ASIC2: variants seen among roughly 807,000 people sequenced by gnomAD.
ASIC2 encodes the protein acid sensing ion channel subunit 2, also known as acid-sensing ion channel 2.
In ASIC2, 25 loss-of-function variants were observed where a neutral mutation model predicts 57.3. The observed-to-expected ratio is 0.44, with a 90% CI of 0.32 to 0.61. The LOEUF (loss-of-function observed/expected upper bound fraction) is 0.61. Among genes scored for constraint, ASIC2 ranks in the 20% least tolerant of loss-of-function variants. The pLI is 0.06. For missense variants in ASIC2, 641 were observed against 738.1 expected (o/e 0.87, Z 1.52); for synonymous variants, 319 against 307.5 (o/e 1.04, Z -0.39).
chr17:33,978,536 T>C (rs953153364), intron 1 of ASIC2, among the ~76,000 whole-genome samples: 6 of 152,372 alleles, frequency 3.9e-5, no homozygotes, highest in African/African-American at 1.4e-4. Context: ...GAACTGTGCC[T>C]GCCCGCATAG....
intron 1 of ASIC2, among the ~76,000 whole-genome samples, chr17:33,807,244 A>G (rs1403634458): frequency 2.6e-5 from 4 of 152,184 alleles, no homozygotes; most frequent in African/African-American, 9.7e-5. Flanking sequence ...TGTGCTCTTC[A>G]AGGAGGTTCT....
chr17:33,835,547 T>G (rs537360643), intron 1 of ASIC2, among the ~76,000 whole-genome samples: 127 of 152,324 alleles, frequency 8.3e-4, no homozygotes, highest in African/African-American at 3.0e-3. Context: ...TGACTTGTTC[T>G]CACTTCTGTT....
chr17:34,137,057 CT>C (rs1912147734), intron 1 of ASIC2, among the ~76,000 whole-genome samples: 1 of 152,202 alleles, frequency 6.6e-6, no homozygotes, highest in Admixed American at 6.5e-5. Flanking sequence ...TCCAATCCCC[CT>C]AGAAGGAATG....
At chr17:33,329,914 C>A (rs1304082654) in intron 1 of ASIC2, among the ~76,000 whole-genome samples, 1 of 152,146 alleles carries the variant, frequency 6.6e-6, no homozygotes, top group Non-Finnish European at 1.5e-5. Context: ...GAGGAACCTA[C>A]TTGGGGCAAG....
chr17:33,206,215 T>C (rs1218838316), intron 1 of ASIC2, among the ~76,000 whole-genome samples: 1 of 152,102 alleles, frequency 6.6e-6, no homozygotes. Flanking sequence ...CTTGGTATCA[T>C]ATTGCCTCAT....
At chr17:33,924,841 C>T (rs1181701049) in intron 1 of ASIC2, among the ~76,000 whole-genome samples, 1 of 152,224 alleles carries the variant, frequency 6.6e-6, no homozygotes, top group Non-Finnish European at 1.5e-5. Context: ...GGAACCCAGA[C>T]TCTGCAGAGG....
intron 1 of ASIC2, among the ~76,000 whole-genome samples, chr17:33,322,455 T>C (rs1428493590): frequency 6.6e-6 from 1 of 152,192 alleles, no homozygotes; most frequent in Non-Finnish European, 1.5e-5. Flanking sequence ...GCAGCATGCT[T>C]CTATTAAGTG....
intron 1 of ASIC2, among the ~76,000 whole-genome samples, chr17:33,147,181 G>A (rs1904597427): frequency 6.6e-6 from 1 of 152,130 alleles, no homozygotes; most frequent in African/African-American, 2.4e-5. Flanking sequence ...GTAGAAACCT[G>A]TGAAAATTTA....
chr17:33,817,342 CT>C (rs1912613790), intron 1 of ASIC2, among the ~76,000 whole-genome samples: 1 of 152,178 alleles, frequency 6.6e-6, no homozygotes, highest in African/African-American at 2.4e-5. Flanking sequence ...GGGGATCCCC[CT>C]ACTGCCTCAG....
At chr17:33,941,433 G>A (rs1916189982) in intron 1 of ASIC2, among the ~76,000 whole-genome samples, 1 of 152,200 alleles carries the variant, frequency 6.6e-6, no homozygotes, top group Admixed American at 6.5e-5. Flanking sequence ...GGGCTGAAAA[G>A]GAACCCCACC....
At chr17:33,329,411 C>A (rs1394169192) in intron 1 of ASIC2, among the ~76,000 whole-genome samples, 16 of 152,132 alleles carry the variant, frequency 1.1e-4, no homozygotes, top group Admixed American at 1.0e-3. Flanking sequence ...AGGATAGCAA[C>A]CTGCAGGGGA....
intron 1 of ASIC2, among the ~76,000 whole-genome samples, chr17:33,190,819 C>T (rs533172214): frequency 5.7e-4 from 86 of 150,612 alleles, no homozygotes; most frequent in African/African-American, 2.0e-3. Context: ...TAAAGACTGA[C>T]CATCCCAAGG....
chr17:33,878,455 C>A (rs921308518), intron 1 of ASIC2, among the ~76,000 whole-genome samples: 4 of 152,010 alleles, frequency 2.6e-5, no homozygotes, highest in African/African-American at 9.7e-5. Flanking sequence ...AACTATGTGA[C>A]AAATGCACAA....
chr17:33,552,166 G>C (rs1452415618), intron 1 of ASIC2, among the ~76,000 whole-genome samples: 1 of 152,208 alleles, frequency 6.6e-6, no homozygotes, highest in Non-Finnish European at 1.5e-5. Flanking sequence ...GCCCTGAAAG[G>C]GAAAGGGCCT....
intron 1 of ASIC2, among the ~76,000 whole-genome samples, chr17:33,871,185 C>A (rs1431340739): frequency 6.6e-6 from 1 of 152,140 alleles, no homozygotes; most frequent in African/African-American, 2.4e-5. Context: ...TTCCTGTGCC[C>A]TAGGAGGATG....
rs1392392978 is a variant in ASIC2, at chr17:33,711,878, TTTGTGTGAGAACC to T, written c.555+444087_555+444099del. The stretch of plus-strand genomic sequence containing the variant: ...ACAAAATCAAATCATATCAGTCCTC[TTTGTGTGAGAACC>T]TTCTGTAAGTTTCATCTTCAGAACC... On this transcript the variant is annotated intron_variant, in intron 1 of 9. Coordinates refer to the ASIC2 transcript ENST00000359872. 3.3e-5 allele frequency among the ~76,000 whole-genome samples: 5 copies of T among 152,282 alleles called. No individual in the cohort carries two copies. In the East Asian group the frequency reaches 9.6e-4, roughly 29 times the overall value.
At chr17:33,827,348 T>TTTTTTTTTTTTTTTTTTTTTG (rs1912957573) in intron 1 of ASIC2, among the ~76,000 whole-genome samples, 1 of 135,598 alleles carries the variant, frequency 7.4e-6, no homozygotes, top group Non-Finnish European at 1.6e-5. Flanking sequence ...TTTTTTTTTT[T>TTTTTTTTTTTTTTTTTTTTTG]TGAGACAGAG....
At chr17:33,827,337 C>CCTTTTTTTTTTTTTTTTTTTT (rs1912954044) in intron 1 of ASIC2, among the ~76,000 whole-genome samples, 1 of 76,536 alleles carries the variant, frequency 1.3e-5, no homozygotes, top group Non-Finnish European at 2.6e-5. Context: ...GCAGCTCACT[C>CCTTTTTTTTTTTTTTTTTTTT]TTTTTTTTTT....
In ASIC2 at chr17:33,364,377, C is replaced by G. The variant is rs1160131846; in HGVS notation, c.556-252310G>C. ...ATGGGTCAAAATGGGACTTACAAAC[C>G]AACTTCTGACTCCACTAATTTTTCT... On this transcript the variant is annotated intron_variant, in intron 1 of 9. Transcript: ENST00000359872. Among the ~76,000 whole-genome samples the G allele has an allele frequency of 6.6e-5, 10 of 152,086 alleles. No homozygotes were observed. The East Asian group carries it at 1.9e-3, about 29-fold the overall frequency.
Sources: gnomAD v4.1 joint callset for allele counts (sites outside exome capture counted in the v4.1 genomes callset) on GRCh38, gnomAD v4.1.1 for gene constraint, MANE v1.5 for transcripts, NCBI Gene and HGNC (gene_info 2026-07-23, HGNC 2026-07-21) for gene names.